Variants in CTNNA2 observed in about 807,000 individuals in gnomAD.
CTNNA2 encodes catenin alpha 2.
Under a neutral mutation model 101.0 loss-of-function variants are expected in CTNNA2, and 42 were observed. The observed-to-expected ratio is 0.42, with a 90% CI of 0.32 to 0.54. The LOEUF (loss-of-function observed/expected upper bound fraction) is 0.54, where lower values mean the gene tolerates loss of function less well. Ranked by LOEUF, CTNNA2 falls within the 20% of genes least tolerant of loss-of-function variation. The probability of loss-of-function intolerance (pLI) is 0.14; values close to 1 mark genes in which losing one functional copy is unlikely to be tolerated. For synonymous variants in CTNNA2, 450 were observed against 456.4 expected, an observed-to-expected ratio of 0.99 and a Z score of 0.18; for missense variants, 871 against 1,223.1, an observed-to-expected ratio of 0.71 and a Z score of 4.29.
chr2:79,677,864 A>T (rs1477694736), intron 2 of CTNNA2, among the ~76,000 whole-genome samples: 2 of 152,242 alleles, frequency 1.3e-5, no homozygotes, highest in African/African-American at 4.8e-5. Flanking sequence ...AATTCAGGAG[A>T]CACTGTGTGG....
chr2:79,982,202 A>ATATATATATATATATATC (rs1691332887), intron 7 of CTNNA2, among the ~76,000 whole-genome samples: 2 of 23,000 alleles, frequency 8.7e-5, no homozygotes, highest in East Asian at 1.2e-3. Flanking sequence ...CTATATATAT[A>ATATATATATATATATATC]TATATATATA....
chr2:80,126,350 A>G (rs551349834), intron 7 of CTNNA2, among the ~76,000 whole-genome samples: 3 of 151,926 alleles, frequency 2.0e-5, no homozygotes, highest in South Asian at 4.2e-4. Flanking sequence ...CCTCTCCCTA[A>G]TGATCCTCCC....
At chr2:79,262,054 G>A (rs1674929339) in intron 2 of CTNNA2, among the ~76,000 whole-genome samples, 1 of 152,122 alleles carries the variant, frequency 6.6e-6, no homozygotes, top group Non-Finnish European at 1.5e-5. Context: ...TTTCTCCTGT[G>A]TAAGATTAGC....
intron 7 of CTNNA2, among the ~76,000 whole-genome samples, chr2:80,188,639 C>G (rs1211006836): frequency 6.6e-6 from 1 of 152,162 alleles, no homozygotes; most frequent in Non-Finnish European, 1.5e-5. Flanking sequence ...CAGCCCCTTT[C>G]CATCTTCAAA....
At position 80,555,789 on chromosome 2, in the gene CTNNA2, G is replaced by A. The variant is rs779539512; in HGVS notation, c.1637G>A (p.Arg546Gln). The change falls in exon 12 of 19, where the codon CGG becomes CAG. Residue 546 changes from arginine (R) to glutamine (Q), a missense_variant. Transcript: ENST00000402739. ...LDRTAGAIRG[R>Q]AARVIHIINA... Reference sequence around the variant, plus strand: ...CGGACTGCAGGGGCCATCAGGGGCCGGGCAGCTCGAGTCATACACATCATC... The same window carrying A: ...CGGACTGCAGGGGCCATCAGGGGCCAGGCAGCTCGAGTCATACACATCATC... 30 of 1,600,288 alleles carry A rather than the reference G, an allele frequency of 1.9e-5. No individual in the cohort carries two copies. The highest frequency in any genetic ancestry group is 2.3e-5 in the Non-Finnish European group (27 of 1,173,542).
intron 7 of CTNNA2, among the ~76,000 whole-genome samples, chr2:80,124,152 A>C (rs980002304): frequency 6.6e-6 from 1 of 152,124 alleles, no homozygotes; most frequent in African/African-American, 2.4e-5. Context: ...TTCAGCAGGA[A>C]ACGTCACTGA....
chr2:80,232,341 G>GTTGTTTTTTTTTTTTTTTT (rs1709276642), intron 7 of CTNNA2, among the ~76,000 whole-genome samples: 3 of 82,060 alleles, frequency 3.7e-5, no homozygotes, highest in African/African-American at 9.9e-5. Flanking sequence ...TTGTTTGTTT[G>GTTGTTTTTTTTTTTTTTTT]TTTGTTTTTT....
At chr2:79,229,445 C>G (rs1314576432) in intron 2 of CTNNA2, among the ~76,000 whole-genome samples, 1 of 152,166 alleles carries the variant, frequency 6.6e-6, no homozygotes, top group Non-Finnish European at 1.5e-5. Flanking sequence ...TCCTCATTCT[C>G]TCTTGCTGCC....
chr2:79,781,020 T>G (rs1573952762), intron 3 of CTNNA2, among the ~76,000 whole-genome samples: 3 of 152,066 alleles, frequency 2.0e-5, no homozygotes, highest in African/African-American at 7.2e-5. Context: ...AGAATTCAGG[T>G]CAAGTCCATA....
At chr2:79,197,668 C>T (rs1673979151) in intron 1 of CTNNA2, among the ~76,000 whole-genome samples, 1 of 152,152 alleles carries the variant, frequency 6.6e-6, no homozygotes, top group Admixed American at 6.5e-5. Flanking sequence ...TGAGTTTCAT[C>T]CCGTTTTATG....
At chr2:79,762,537 A>G (rs985699362) in intron 3 of CTNNA2, among the ~76,000 whole-genome samples, 3 of 152,174 alleles carry the variant, frequency 2.0e-5, no homozygotes, top group Non-Finnish European at 4.4e-5. Context: ...ATCCCTTTGC[A>G]TAGAGTGTCC....
intron 7 of CTNNA2, among the ~76,000 whole-genome samples, chr2:79,956,089 T>G (rs957676334): frequency 6.6e-6 from 1 of 152,194 alleles, no homozygotes; most frequent in Admixed American, 6.5e-5. Flanking sequence ...CATAGTAGTT[T>G]CAACCCAAGA....
chr2:80,272,217 A>G (rs766481791), intron 7 of CTNNA2, among the ~76,000 whole-genome samples: 3 of 152,220 alleles, frequency 2.0e-5, no homozygotes, highest in Non-Finnish European at 4.4e-5. Context: ...AAATCCATTG[A>G]TTCTAGTAAA....
intron 4 of CTNNA2, among the ~76,000 whole-genome samples, chr2:79,461,163 A>G (rs1670873353): frequency 6.6e-6 from 1 of 152,194 alleles, no homozygotes; most frequent in African/African-American, 2.4e-5. Flanking sequence ...ATTTTTATCT[A>G]CAATGGCAGA....
chr2:80,489,399 G>C (rs34774724), intron 9 of CTNNA2, among the ~76,000 whole-genome samples: 3 of 152,060 alleles, frequency 2.0e-5, no homozygotes, highest in Non-Finnish European at 2.9e-5. Context: ...CTGGTATACT[G>C]AGACTGAGAA....
At chr2:80,609,070 G>T (rs966154606) in intron 17 of CTNNA2, among the ~76,000 whole-genome samples, 1 of 151,784 alleles carries the variant, frequency 6.6e-6, no homozygotes. Flanking sequence ...CTCAACACAG[G>T]GTGCCATTTG....
intron 2 of CTNNA2, among the ~76,000 whole-genome samples, chr2:79,278,261 G>A (rs561950681): frequency 7.2e-5 from 11 of 152,182 alleles, no homozygotes; most frequent in African/African-American, 2.4e-4. Flanking sequence ...CAACCCCAGG[G>A]ACACTATTGG....
At chr2:80,500,295 C>A (rs1195266272) in intron 9 of CTNNA2, among the ~76,000 whole-genome samples, 3 of 152,136 alleles carry the variant, frequency 2.0e-5, no homozygotes, top group African/African-American at 7.2e-5. Flanking sequence ...CTTCCTCCTG[C>A]TACTTCTTTT....
intron 2 of CTNNA2, among the ~76,000 whole-genome samples, chr2:79,225,179 T>C (rs1674392900): frequency 6.6e-6 from 1 of 152,192 alleles, no homozygotes; most frequent in Non-Finnish European, 1.5e-5. Flanking sequence ...GATGTGTTTT[T>C]AGTTTTATTT....
Sources: gnomAD v4.1 joint callset for allele counts (sites outside exome capture counted in the v4.1 genomes callset) on GRCh38, gnomAD v4.1.1 for gene constraint, MANE v1.5 for transcripts, NCBI Gene and HGNC (gene_info 2026-07-23, HGNC 2026-07-21) for gene names.